COPB2: variants seen among roughly 807,000 people sequenced by gnomAD.
COPB2 encodes coat protein complex I subunit beta 2.
A neutral mutation model predicts 120.8 loss-of-function variants in COPB2; 16 were observed. The ratio of observed to expected loss-of-function variants is 0.13; its 90% CI spans 0.09 to 0.20. COPB2 has a LOEUF of 0.20. COPB2 is among the 10% of genes least tolerant of loss of function. COPB2 has a pLI of 1.00. For synonymous variants in COPB2, 332 were observed against 366.3 expected (o/e 0.91, Z 1.07); for missense variants, 794 against 1,076.5 (o/e 0.74, Z 3.67).
intron 17 of COPB2, among the ~76,000 whole-genome samples, chr3:139,360,106 T>A (rs778206145): frequency 5.5e-4 from 84 of 152,026 alleles, no homozygotes; most frequent in Non-Finnish European, 1.2e-4. Flanking sequence ...ATAGGGTCTA[T>A]TCTTACAGGT....
intron 12 of COPB2, 35 bp downstream of exon 12, chr3:139,369,226 A>T: frequency 6.4e-7 from 1 of 1,560,764 alleles, no homozygotes; most frequent in Non-Finnish European, 8.8e-7. Context: ...CACAAAAATA[A>T]ATATTCCAAA....
At chr3:139,387,208 C>CAAGA (rs200834068) in intron 1 of COPB2, among the ~76,000 whole-genome samples, 115 of 144,848 alleles carry the variant, frequency 7.9e-4, no homozygotes, top group African/African-American at 1.7e-3. Context: ...GAGATTCTGT[C>CAAGA]AAGAAAGAAA....
At chr3:139,376,351 CCACAG>C (rs1317553836) in intron 5 of COPB2, among the ~76,000 whole-genome samples, 2 of 152,166 alleles carry the variant, frequency 1.3e-5, no homozygotes, top group African/African-American at 4.8e-5. Flanking sequence ...TTAAAAATTA[CCACAG>C]CACAGAATTA....
Position 139,383,333 on chromosome 3 carries a change from T to G in COPB2, c.106A>C (p.Asn36His). ...TEPWMLASLY[N>H]GSVCVWNHET... Reference sequence around the variant, plus strand: ...TGATTCCAAACACACACACTGCCATTGTAAAGACTTGCCAACATCCATGGC... The same window carrying G: ...TGATTCCAAACACACACACTGCCATGGTAAAGACTTGCCAACATCCATGGC... The change falls in exon 2 of 22, where the codon AAT (asparagine) becomes CAT (histidine). Residue 36 changes from asparagine (N) to histidine (H), a missense_variant. Transcript: ENST00000333188. 1 of 1,613,940 alleles carries G rather than the reference T, an allele frequency of 6.2e-7. No homozygotes were observed. Among genetic ancestry groups the G allele is most frequent in the Non-Finnish European group, 8.5e-7 (1 of 1,179,918 alleles).
In COPB2 at chr3:139,374,505, G is replaced by A. The variant is rs1159098425; in HGVS notation, c.735C>T (p.Ile245=). ...ASFHPELPII[I]TGSEDGTVRI... is the part of the protein sequence containing the mutation. Reference sequence around the variant, plus strand: ...CTAACTTACCATCTTCTGAACCTGTGATAATGATTGGCAACTCAGGATGAA... The same window carrying A: ...CTAACTTACCATCTTCTGAACCTGTAATAATGATTGGCAACTCAGGATGAA... The change falls in exon 7 of 22, where the codon ATC becomes ATT. Residue 245 remains isoleucine, a synonymous_variant. Transcript: ENST00000333188. 1.9e-6 allele frequency: 3 copies of A among 1,613,810 alleles called. No individual in the cohort carries two copies. The African/African-American group carries it at 4.0e-5, about 22-fold the overall frequency.
chr3:139,358,991 C>G lies in COPB2; in HGVS notation c.2484+7G>C, dbSNP rs1941355131. 6.2e-7 allele frequency: 1 copy of G among 1,609,674 alleles called. No individual in the cohort carries two copies. ...AATAAATGAAGCTTGACATCCTGGC[C>G]ACTCACCGTGACAAGTGGGTATTGT... On this transcript the variant is annotated splice_region_variant and intron_variant, in intron 19 of 21. Transcript: ENST00000333188.
At position 139,359,892 on chromosome 3, in the gene COPB2, T is replaced by C. The variant is rs189812249; in HGVS notation, c.2211-530A>G. Among the ~76,000 whole-genome samples, 9 of 152,292 alleles carry C rather than the reference T, an allele frequency of 5.9e-5. No homozygotes were observed. The South Asian group carries it at 6.2e-4, about 11-fold the overall frequency. ...GAAAGGTGATACAGTATGTATACTA[T>C]GTATTACCTTACATCCTCAGCATGA... On this transcript the variant is annotated intron_variant, in intron 17 of 21. Coordinates refer to ENST00000333188, the MANE Select transcript of COPB2 (RefSeq NM_004766.3).
intron 1 of COPB2, among the ~76,000 whole-genome samples, chr3:139,389,284 C>A (rs906895627): frequency 4.6e-5 from 7 of 152,258 alleles, no homozygotes; most frequent in African/African-American, 1.4e-4. Flanking sequence ...CCGCTGCAGA[C>A]TGCAGGAGCT....
intron 13 of COPB2, among the ~76,000 whole-genome samples, chr3:139,367,380 C>T (rs1025041446): frequency 6.6e-6 from 1 of 151,676 alleles, no homozygotes; most frequent in South Asian, 2.1e-4. Flanking sequence ...TTCTACCTCC[C>T]GGATTCAAGT....
chr3:139,375,568 T>G lies in COPB2; in HGVS notation c.551A>C (p.His184Pro). Residue 184 changes from histidine (H) to proline (P), a missense_variant, in exon 6 of 22, where the codon CAT becomes CCT. Coordinates refer to ENST00000333188, the MANE Select transcript of COPB2 (RefSeq NM_004766.3). ...ATCAATGCAATTCACGCCTTTCTCA[T>G]GTCCTTCCAAAGTGAAGTTTGGTGA... ...SSSPNFTLEG[H>P]EKGVNCIDYY... The G allele has an allele frequency of 6.2e-7, 1 of 1,614,134 alleles. No individual in the cohort carries two copies. The highest frequency in any genetic ancestry group is 8.5e-7 in the Non-Finnish European group (1 of 1,179,978).
chr3:139,365,383 C>T (rs1372252275), intron 15 of COPB2, among the ~76,000 whole-genome samples: 1 of 152,148 alleles, frequency 6.6e-6, no homozygotes, highest in African/African-American at 2.4e-5. Context: ...GAGAAAATTA[C>T]CTCCAACAAT....
At chr3:139,366,855 TC>T (rs1454966384) in intron 14 of COPB2, 80 bp from the exon 15 acceptor site, 1 of 1,513,210 alleles carries the variant, frequency 6.6e-7, no homozygotes, top group Non-Finnish European at 9.1e-7. Context: ...TCCCTCTTGC[TC>T]AAAACCTTCC....
At position 139,358,193 on chromosome 3, in the gene COPB2, G is replaced by C; in HGVS notation, c.2625+7C>G. 1 of 1,613,108 alleles carries C rather than the reference G, an allele frequency of 6.2e-7. No individual in the cohort carries two copies. Among genetic ancestry groups the C allele is most frequent in the Non-Finnish European group, 8.5e-7 (1 of 1,179,066 alleles). On this transcript the variant is annotated splice_region_variant and intron_variant, in intron 21 of 21. Transcript: ENST00000333188. ...AGAGGGAGGTTTGAGTATGATGTCT[G>C]ACCTACCTTTTCTTCTTTGTTGGCT... is the stretch of plus-strand genomic sequence containing the variant.
intron 7 of COPB2, 160 bp downstream of exon 7, chr3:139,374,327 ATG>A (rs1289606014): frequency 1.7e-6 from 1 of 579,496 alleles, no homozygotes; most frequent in Non-Finnish European, 3.1e-6. Context: ...GATGATGATG[ATG>A]AAAATAATGC....
rs1450215160 is a variant in COPB2, at chr3:139,369,551, G to A, written c.1206-7C>T. 6.5e-6 allele frequency: 10 copies of A among 1,550,370 alleles called. No homozygotes were observed. Among genetic ancestry groups the A allele is most frequent in the African/African-American group, 2.8e-5 (2 of 72,338 alleles). On this transcript the variant is annotated splice_region_variant and splice_polypyrimidine_tract_variant and intron_variant, in intron 10 of 21. Coordinates refer to ENST00000333188, the MANE Select transcript of COPB2 (RefSeq NM_004766.3). ...GCTCTCTCTTATTGCATACCTGGGA[G>A]AAAAAAGGGAAGGCAAACATAACAT... is the stretch of plus-strand genomic sequence containing the variant.
At position 139,366,569 on chromosome 3, in the gene COPB2, T is replaced by C. The variant is rs1292964176; in HGVS notation, c.1883A>G (p.Gln628Arg). The C allele has an allele frequency of 6.2e-7, 1 of 1,603,060 alleles. No homozygotes were observed. The highest frequency in any genetic ancestry group is 8.5e-7 in the Non-Finnish European group (1 of 1,174,906). ...RTRVAHFLEK[Q>R]GFKQQALTVS... ...AAAGAAAAAAACAAAACCTCTTACC[T>C]GCTTTTCCAAAAAGTGTGCAACTCT... Residue 628 changes from glutamine (Q) to arginine (R), a missense_variant and splice_region_variant, in exon 15 of 22, where the codon CAG (glutamine) becomes CGG (arginine). Gln to Arg is a conservative substitution (Grantham distance 43). Coordinates refer to ENST00000333188, the MANE Select transcript of COPB2 (RefSeq NM_004766.3).
Position 139,389,628 on chromosome 3 carries a change from G to T in COPB2, c.-78C>A. On this transcript the variant is annotated 5_prime_UTR_variant, in exon 1 of 22. Transcript: ENST00000333188. ...CTTGAGATAAACCCACCGATCCACT[G>T]ACCGTCAGACTGACTGACGTGGAAC... 1 of 1,403,900 alleles carries T rather than the reference G, an allele frequency of 7.1e-7. No homozygotes were observed. The highest frequency in any genetic ancestry group is 2.5e-5 in the East Asian group (1 of 39,230). The allele number at this position is 1,403,900 out of a possible 1,614,324, so 87.0% of individuals were successfully genotyped here.
At position 139,389,535 on chromosome 3, in the gene COPB2, G is replaced by T; in HGVS notation, c.3+13C>A. On this transcript the variant is annotated intron_variant, in intron 1 of 21. Coordinates refer to ENST00000333188, the MANE Select transcript of COPB2 (RefSeq NM_004766.3). ...TATGGGACCCCGCTCCCTTCTACGG[G>T]ATCTGGACCTACCATGGCTGCGTCG... is the stretch of plus-strand genomic sequence containing the variant. 6.4e-7 allele frequency: 1 copy of T among 1,572,074 alleles called. No homozygotes were observed. The highest frequency in any genetic ancestry group is 8.7e-7 in the Non-Finnish European group (1 of 1,151,208).
chr3:139,377,822 C>G (rs144690881), intron 5 of COPB2, among the ~76,000 whole-genome samples: 1 of 152,224 alleles, frequency 6.6e-6, no homozygotes, highest in African/African-American at 2.4e-5. Flanking sequence ...TGCCTCCACA[C>G]AGAAAAACGC....
Sources: allele counts gnomAD v4.1 joint callset (sites outside exome capture counted in the v4.1 genomes callset), GRCh38; gene constraint gnomAD v4.1.1; transcripts MANE v1.5; gene names NCBI Gene and HGNC (gene_info 2026-07-23, HGNC 2026-07-21).